Variants in NF1 observed in about 807,000 individuals in gnomAD.
NF1 encodes neurofibromin 1, also known as neurofibromin.
A neutral mutation model predicts 325.7 loss-of-function variants in NF1; 122 were observed. That is an observed-to-expected ratio of 0.37 (90% confidence interval 0.32 to 0.44). The LOEUF is 0.44. NF1 is among the 20% of genes least tolerant of loss of function. The probability of loss-of-function intolerance (pLI) is 1.00; values close to 1 mark genes in which losing one functional copy is unlikely to be tolerated. For synonymous variants in NF1, 1,091 were observed against 1,186.0 expected (o/e 0.92, Z 1.65); for missense variants, 2,140 against 3,415.4 (o/e 0.63, Z 9.31).
At chr17:31,132,760 G>A (rs550659963) in intron 1 of NF1, among the ~76,000 whole-genome samples, 5 of 152,046 alleles carry the variant, frequency 3.3e-5, no homozygotes, top group East Asian at 1.9e-4. Flanking sequence ...TTTGCCTCCC[G>A]AGTTCAAGTG....
rs1182170897 is a variant in NF1 at position 31,200,138 on chromosome 17, G to GAAA, written c.889-272_889-270dup. Among the ~76,000 whole-genome samples, 4 of 125,138 alleles carry GAAA rather than the reference G, an allele frequency of 3.2e-5. 1 individual carries two copies. Among genetic ancestry groups the GAAA allele is most frequent in the African/African-American group, 1.2e-4 (4 of 34,128 alleles). The allele number at this position is 125,138 out of a possible 152,430, so 82.1% of individuals were successfully genotyped here. A position where few individuals can be genotyped will look rare whatever the true frequency, so the allele number is the denominator to read the frequency against. ...GCAACAGAGGAAGACACCATCTTGGGAAAAAAAAAAAAAAGAAGTTCAGAA... is the reference window on the plus strand; with the variant it reads ...GCAACAGAGGAAGACACCATCTTGGGAAAAAAAAAAAAAAAAAGAAGTTCAGAA... On this transcript the variant is annotated intron_variant, in intron 8 of 57. Transcript: ENST00000358273.
intron 1 of NF1, among the ~76,000 whole-genome samples, chr17:31,152,165 TC>T (rs960501959): frequency 3.4e-4 from 35 of 101,754 alleles, no homozygotes; most frequent in African/African-American, 8.9e-4. Context: ...CTGATGAGAG[TC>T]TAATTTTTGG....
chr17:31,128,169 C>T (rs1470084421), intron 1 of NF1, among the ~76,000 whole-genome samples: 1 of 147,022 alleles, frequency 6.8e-6, no homozygotes, highest in African/African-American at 2.5e-5. Context: ...CCAGGCTGGT[C>T]TCAAATTCCT....
At chr17:31,192,583 T>C (rs1241445406) in intron 8 of NF1, among the ~76,000 whole-genome samples, 1 of 152,194 alleles carries the variant, frequency 6.6e-6, no homozygotes, top group African/African-American at 2.4e-5. Context: ...AAATGTTTCT[T>C]ATTAGACCTA....
At chr17:31,314,050 A>C (rs935611178) in intron 36 of NF1, 3 of 398,066 alleles carry the variant, frequency 7.5e-6, no homozygotes, top group Non-Finnish European at 1.3e-5. Flanking sequence ...TTTGGCTAAG[A>C]AAGGAAAATG....
In NF1 at chr17:31,235,822, A is replaced by G. The variant is rs145415268; in HGVS notation, c.3870+50A>G. 94 of 1,612,740 alleles carry G rather than the reference A, an allele frequency of 5.8e-5. No individual in the cohort carries two copies. The East Asian group carries it at 1.2e-3, about 20-fold the overall frequency. ...ATGTGTGTGCTGAGGTATGTCAAGT[A>G]ATGATTATGTACAGAATGTGCAGGG... On this transcript the variant is annotated intron_variant, in intron 28 of 57. Transcript: ENST00000358273.
chr17:31,300,035 C>T (rs1035578280), intron 36 of NF1, among the ~76,000 whole-genome samples: 3 of 151,952 alleles, frequency 2.0e-5, no homozygotes, highest in East Asian at 1.9e-4. Flanking sequence ...TATAGACTAC[C>T]GAATAAAGTT....
chr17:31,179,578 G>A (rs944203711), intron 5 of NF1, among the ~76,000 whole-genome samples: 2 of 151,944 alleles, frequency 1.3e-5, no homozygotes, highest in African/African-American at 4.8e-5. Flanking sequence ...TCCTGACCTC[G>A]TGATCCGCCG....
At chr17:31,341,273 C>T (rs958183634) in intron 47 of NF1, among the ~76,000 whole-genome samples, 8 of 151,800 alleles carry the variant, frequency 5.3e-5, no homozygotes, top group Non-Finnish European at 1.2e-4. Context: ...ACCTGTAGTC[C>T]CAGCACTTTG....
In NF1 at chr17:31,249,094, G is replaced by A. The variant is rs540108477; in HGVS notation, c.4085G>A (p.Arg1362Gln). ...SSSSEFPPQLRSVCHCLYQAT... is the reference protein window; with the variant it reads ...SSSSEFPPQLQSVCHCLYQAT... ...TCCTCAGAATTCCCCCCTCAACTTCGAAGTGTGTGCCACTGTTTATACCAG... is the reference window on the plus strand; with the variant it reads ...TCCTCAGAATTCCCCCCTCAACTTCAAAGTGTGTGCCACTGTTTATACCAG... Residue 1362 changes from arginine to glutamine, a missense_variant, in exon 30 of 58, where the codon CGA (arginine) becomes CAA (glutamine). Coordinates refer to ENST00000358273, the MANE Select transcript of NF1 (RefSeq NM_001042492.3). 4.3e-6 allele frequency: 7 copies of A among 1,614,000 alleles called. No individual in the cohort carries two copies. The highest frequency in any genetic ancestry group is 2.2e-5 in the East Asian group (1 of 44,864).
intron 31 of NF1, among the ~76,000 whole-genome samples, chr17:31,258,063 A>G (rs2067613822): frequency 6.6e-6 from 1 of 152,118 alleles, no homozygotes; most frequent in East Asian, 1.9e-4. Context: ...ATAAGTGATG[A>G]TACAGTGAAG....
chr17:31,281,204 A>C (rs1228526147), intron 36 of NF1, among the ~76,000 whole-genome samples: 1 of 152,186 alleles, frequency 6.6e-6, no homozygotes, highest in Non-Finnish European at 1.5e-5. Flanking sequence ...TATTCTGAAA[A>C]TCTGATGATT....
intron 36 of NF1, among the ~76,000 whole-genome samples, chr17:31,286,303 C>G (rs1423921873): frequency 1.3e-5 from 2 of 152,112 alleles, no homozygotes; most frequent in African/African-American, 4.8e-5. Flanking sequence ...CTCTGTTGGC[C>G]AGGCTGGTCT....
At chr17:31,294,257 A>G (rs2068412358) in intron 36 of NF1, among the ~76,000 whole-genome samples, 2 of 152,168 alleles carry the variant, frequency 1.3e-5, no homozygotes, top group African/African-American at 4.8e-5. Flanking sequence ...CTGCTTCTTT[A>G]CATGTTTTTA....
chr17:31,362,317 T>C, intron 57 of NF1: 1 of 985,436 alleles, frequency 1.0e-6, no homozygotes, highest in Non-Finnish European at 1.2e-6. Flanking sequence ...CCTTCCTGCT[T>C]CCCCGCTGAT....
Position 31,327,008 on chromosome 17 carries a change from C to T in NF1, c.5269-491C>T, listed in dbSNP as rs1056273241. Among the ~76,000 whole-genome samples the T allele has an allele frequency of 2.6e-5, 4 of 151,726 alleles. No individual in the cohort carries two copies. In the South Asian group the frequency reaches 8.5e-4, roughly 32 times the overall value. ...GTGGCGTGATCTCAGAGTGCAGTGG[C>T]GTGATCTCAGAGTGCAGTGGCATGA... On this transcript the variant is annotated intron_variant, in intron 37 of 57. Transcript: ENST00000358273.
chr17:31,354,478 A>G (rs1360227898), intron 51 of NF1, among the ~76,000 whole-genome samples: 1 of 152,226 alleles, frequency 6.6e-6, no homozygotes. Flanking sequence ...AAACGACTGT[A>G]TGCCATGGTA....
chr17:31,096,369 GA>G (rs1198616986), intron 1 of NF1, among the ~76,000 whole-genome samples: 4 of 151,710 alleles, frequency 2.6e-5, no homozygotes, highest in Admixed American at 2.0e-4. Context: ...TATTTGGGAT[GA>G]AAAAAAAGTT....
Position 31,336,302 on chromosome 17 carries a change from T to G in NF1, c.6007-31T>G. ...TTAAAAATTAAATTGGTAGAGTGATTAAAAACATGTTATTTTCCTTCTTCA... is the reference window on the plus strand; with the variant it reads ...TTAAAAATTAAATTGGTAGAGTGATGAAAAACATGTTATTTTCCTTCTTCA... On this transcript the variant is annotated intron_variant, in intron 40 of 57. Coordinates refer to ENST00000358273, the MANE Select transcript of NF1 (RefSeq NM_001042492.3). The surrounding 1 kb of genome is among the most constrained non-coding windows in gnomAD (Gnocchi z 5.5). 1.9e-6 allele frequency: 3 copies of G among 1,610,606 alleles called. No individual in the cohort carries two copies. The highest frequency in any genetic ancestry group is 2.5e-6 in the Non-Finnish European group (3 of 1,177,116).
Sources: gnomAD v4.1 joint callset for allele counts (sites outside exome capture counted in the v4.1 genomes callset) on GRCh38, gnomAD v4.1.1 for gene constraint, Gnocchi (gnomAD v3.1) non-coding constraint, MANE v1.5 for transcripts, NCBI Gene and HGNC (gene_info 2026-07-23, HGNC 2026-07-21) for gene names.